GCNT1: variants seen among roughly 807,000 people sequenced by gnomAD.
The protein encoded by GCNT1 is glucosaminyl (N-acetyl) transferase 1.
In GCNT1, 16 loss-of-function variants were observed where a neutral mutation model predicts 26.2. The observed-to-expected ratio is 0.61, with a 90% CI of 0.41 to 0.93. The LOEUF (loss-of-function observed/expected upper bound fraction) is 0.93. Among genes scored for constraint, GCNT1 ranks in the 40% least tolerant of loss-of-function variants. GCNT1 has a pLI of 0.00. For missense variants in GCNT1, 477 were observed against 526.7 expected (o/e 0.91, Z 0.92); for synonymous variants, 183 against 190.8 (o/e 0.96, Z 0.34).
chr9:76,404,520 C>T, the GCNT1 span, among the ~76,000 whole-genome samples: 27 of 152,216 alleles, frequency 1.8e-4, no homozygotes, highest in African/African-American at 6.3e-4. Flanking sequence ...ATTTCCTCTC[C>T]CCACTAAAAC....
intron 2 of GCNT1, among the ~76,000 whole-genome samples, chr9:76,478,212 T>C (rs1442146427): frequency 6.6e-6 from 1 of 152,230 alleles, no homozygotes; most frequent in Non-Finnish European, 1.5e-5. Context: ...GTTCTTTTGC[T>C]CTTCACAATA....
chr9:76,420,856 T>C (rs1309069338), intron 1 of GCNT1, among the ~76,000 whole-genome samples: 1 of 151,564 alleles, frequency 6.6e-6, no homozygotes, highest in Non-Finnish European at 1.5e-5. Flanking sequence ...GGAGGATGGC[T>C]TGAGGCCAGA....
At chr9:76,484,499 CAG>C (rs1369474822) in intron 2 of GCNT1, among the ~76,000 whole-genome samples, 12 of 151,942 alleles carry the variant, frequency 7.9e-5, no homozygotes, top group Middle Eastern at 6.8e-3. Context: ...GGAAGAATAA[CAG>C]TGTTTTTGTA....
At chr9:76,449,617 A>G (rs895069560) in intron 1 of GCNT1, among the ~76,000 whole-genome samples, 2 of 152,190 alleles carry the variant, frequency 1.3e-5, no homozygotes, top group African/African-American at 2.4e-5. Context: ...TACCCACACC[A>G]GAGAAGCGCA....
At chr9:76,408,853 A>C in the GCNT1 span, among the ~76,000 whole-genome samples, 1 of 151,860 alleles carries the variant, frequency 6.6e-6, no homozygotes, top group Non-Finnish European at 1.5e-5. Flanking sequence ...ACACCCAGCT[A>C]ATTTTTGTAA....
At chr9:76,457,179 G>A (rs1005410818), upstream of GCNT1, among the ~76,000 whole-genome samples, 4 of 152,116 alleles carry the variant, frequency 2.6e-5, no homozygotes, top group Admixed American at 1.3e-4. Context: ...CTTGTACCTC[G>A]GCTTCCTAAA....
chr9:76,401,388 C>T, the GCNT1 span, among the ~76,000 whole-genome samples: 35 of 152,036 alleles, frequency 2.3e-4, no homozygotes. Context: ...GCCTTGGCCT[C>T]CTGCATAACT....
intron 1 of GCNT1, among the ~76,000 whole-genome samples, chr9:76,432,205 A>G (rs1823345372): frequency 6.6e-6 from 1 of 152,252 alleles, no homozygotes; most frequent in African/African-American, 2.4e-5. Flanking sequence ...GGTGACCTAA[A>G]TATATTACAT....
At chr9:76,445,858 C>CCGT (rs141747434) in intron 1 of GCNT1, among the ~76,000 whole-genome samples, 2 of 151,134 alleles carry the variant, frequency 1.3e-5, no homozygotes, top group African/African-American at 4.9e-5. Flanking sequence ...TGGTGTGTGC[C>CCGT]TGTTCCAGCT....
At chr9:76,395,280 A>T in the GCNT1 span, among the ~76,000 whole-genome samples, 1 of 152,102 alleles carries the variant, frequency 6.6e-6, no homozygotes, top group Non-Finnish European at 1.5e-5. Flanking sequence ...TTTTTTATTT[A>T]TTTTTTTAAA....
intron 2 of GCNT1, among the ~76,000 whole-genome samples, chr9:76,469,858 A>G (rs1824092878): frequency 6.6e-6 from 1 of 152,088 alleles, no homozygotes; most frequent in Admixed American, 6.6e-5. Flanking sequence ...CACTCACCGC[A>G]TGGCCCAAGA....
At chr9:76,453,181 G>T (rs149402411) in intron 1 of GCNT1, among the ~76,000 whole-genome samples, 34 of 152,290 alleles carry the variant, frequency 2.2e-4, no homozygotes, top group African/African-American at 7.2e-4. Context: ...GGAGATCCCT[G>T]CTTCACCAGT....
chr9:76,393,974 T>C, the GCNT1 span: 2 of 900,868 alleles, frequency 2.2e-6, no homozygotes, highest in African/African-American at 3.4e-5. Flanking sequence ...GGAGGAAGGG[T>C]GTGCTCTCTG....
chr9:76,447,609 C>A (rs1446557340), intron 1 of GCNT1, among the ~76,000 whole-genome samples: 1 of 152,108 alleles, frequency 6.6e-6, no homozygotes, highest in Non-Finnish European at 1.5e-5. Flanking sequence ...CTGATTTTCA[C>A]CCTATTTCTT....
At position 76,504,873 on chromosome 9, in the gene GCNT1, T is replaced by A; in HGVS notation, c.*1205T>A. The A allele has an allele frequency of 2.4e-6, 1 of 413,380 alleles. No homozygotes were observed. Among genetic ancestry groups the A allele is most frequent in the East Asian group, 3.6e-5 (1 of 28,078 alleles). The allele number at this position is 413,380 out of a possible 1,614,324, so 25.6% of individuals were successfully genotyped here. ...AAGTGTGCAGTCATTCCACATGGCC[T>A]GTTGGAAGGCCTGGGGAGGGAACTT... On this transcript the variant is annotated 3_prime_UTR_variant, in exon 4 of 4. Transcript: ENST00000376730.
the GCNT1 span, among the ~76,000 whole-genome samples, chr9:76,405,988 T>C: frequency 6.6e-6 from 1 of 152,232 alleles, no homozygotes; most frequent in African/African-American, 2.4e-5. Context: ...AAAATGACTA[T>C]ACCATTTTGC....
intron 1 of GCNT1, among the ~76,000 whole-genome samples, chr9:76,449,022 A>G (rs1172203531): frequency 1.3e-5 from 2 of 152,158 alleles, no homozygotes; most frequent in Non-Finnish European, 2.9e-5. Context: ...AACAATGGGA[A>G]AGGGATCAGA....
chr9:76,433,838 C>A (rs1440052224), intron 1 of GCNT1, among the ~76,000 whole-genome samples: 2 of 152,210 alleles, frequency 1.3e-5, no homozygotes, highest in Non-Finnish European at 2.9e-5. Context: ...TCTGACCCTT[C>A]TACTTTCTAG....
At chr9:76,453,402 G>A (rs1488991838) in intron 1 of GCNT1, among the ~76,000 whole-genome samples, 2 of 152,200 alleles carry the variant, frequency 1.3e-5, no homozygotes, top group African/African-American at 4.8e-5. Context: ...TCTTAGATGA[G>A]CTGGTTTAAG....
Sources: gnomAD v4.1 joint callset for allele counts (sites outside exome capture counted in the v4.1 genomes callset) on GRCh38, gnomAD v4.1.1 for gene constraint, MANE v1.5 for transcripts, NCBI Gene and HGNC (gene_info 2026-07-23, HGNC 2026-07-21) for gene names.